Variants in SDK1 observed in about 807,000 individuals in gnomAD.
SDK1 encodes the protein sidekick cell adhesion molecule 1, also known as protein sidekick-1.
In SDK1, 157 loss-of-function variants were observed where a neutral mutation model predicts 245.5. The ratio of observed to expected loss-of-function variants is 0.64; its 90% CI spans 0.56 to 0.73. The LOEUF is 0.73. Ranked by LOEUF, SDK1 falls within the 30% of genes least tolerant of loss-of-function variation. SDK1 has a pLI of 0.00. For synonymous variants in SDK1, 1,647 were observed against 1,278.5 expected, an observed-to-expected ratio of 1.29 and a Z score of -6.15; for missense variants, 3,583 against 3,002.3, an observed-to-expected ratio of 1.19 and a Z score of -4.52.
At chr7:4,191,779 C>T (rs887474414) in intron 35 of SDK1, among the ~76,000 whole-genome samples, 3 of 152,226 alleles carry the variant, frequency 2.0e-5, no homozygotes, top group Admixed American at 6.5e-5. Flanking sequence ...GGGCTCTGCA[C>T]CATAGGAGAA....
chr7:4,261,057 A>G (rs568900811), intron 44 of SDK1, among the ~76,000 whole-genome samples: 25 of 152,256 alleles, frequency 1.6e-4, no homozygotes, highest in Non-Finnish European at 3.1e-4. Flanking sequence ...TTTCATGTAA[A>G]TATTCCAGTT....
intron 5 of SDK1, among the ~76,000 whole-genome samples, chr7:3,941,400 C>T (rs1387462739): frequency 6.6e-6 from 1 of 152,058 alleles, no homozygotes; most frequent in African/African-American, 2.4e-5. Context: ...GGATCAAGTC[C>T]ACACTCCTGA....
intron 1 of SDK1, among the ~76,000 whole-genome samples, chr7:3,391,713 T>G (rs1339800883): frequency 1.3e-5 from 2 of 149,830 alleles, no homozygotes; most frequent in Non-Finnish European, 3.0e-5. Flanking sequence ...CATGGCTCAC[T>G]GCAACCTCCG....
chr7:3,715,263 G>A (rs530021306), intron 4 of SDK1, among the ~76,000 whole-genome samples: 1 of 152,068 alleles, frequency 6.6e-6, no homozygotes, highest in African/African-American at 2.4e-5. Context: ...CAGATGAGCT[G>A]CAGACTATAT....
intron 1 of SDK1, among the ~76,000 whole-genome samples, chr7:3,472,441 C>G (rs1454593716): frequency 6.6e-6 from 1 of 151,926 alleles, no homozygotes; most frequent in Non-Finnish European, 1.5e-5. Context: ...ATTAGAGGGA[C>G]AAGGCTAACT....
intron 1 of SDK1, among the ~76,000 whole-genome samples, chr7:3,575,030 GTGCAGCCTAAAGAATGCCTCCTT>G (rs1780240121): frequency 6.6e-6 from 1 of 151,986 alleles, no homozygotes; most frequent in African/African-American, 2.4e-5. Context: ...TCCCATTCCT[GTGCAGCCTAAAGAATGCCTCCTT>G]TGCCTCTTAC....
At chr7:3,401,325 C>CTTACCTTTTA (rs1357208732) in intron 1 of SDK1, among the ~76,000 whole-genome samples, 6 of 152,120 alleles carry the variant, frequency 3.9e-5, no homozygotes, top group Non-Finnish European at 5.9e-5. Flanking sequence ...TAACTGATAA[C>CTTACCTTTTA]TTGGAAGTTT....
At position 3,463,653 on chromosome 7, in the gene SDK1, A is replaced by G. The variant is rs142141220; in HGVS notation, c.299-155427A>G. 4.6e-3 allele frequency among the ~76,000 whole-genome samples: 704 copies of G among 152,294 alleles called. 8 individuals are homozygous for G. Among genetic ancestry groups the G allele is most frequent in the African/African-American group, 0.016 (663 of 41,566 alleles). On this transcript the variant is annotated intron_variant, in intron 1 of 44. Coordinates refer to ENST00000404826, the MANE Select transcript of SDK1 (RefSeq NM_152744.4). ...TGAGTTTTCTGTGCCTATTTAAACT[A>G]CTTTATATCCCTCAGGAAAAAACGA...
At chr7:4,190,014 G>C (rs542413508) in intron 35 of SDK1, among the ~76,000 whole-genome samples, 77 of 152,242 alleles carry the variant, frequency 5.1e-4, no homozygotes, top group African/African-American at 1.8e-3. Flanking sequence ...ACAGCTTCTA[G>C]CTGTTTCAGC....
At chr7:4,145,695 G>A (rs756853238) in intron 28 of SDK1, 27 bp from the exon 29 acceptor site, 1 of 1,576,944 alleles carries the variant, frequency 6.3e-7, no homozygotes, top group Non-Finnish European at 8.6e-7. Flanking sequence ...TGGCTCAGCA[G>A]CTGTCTCCCA....
At chr7:3,898,692 A>G (rs1253389239) in intron 5 of SDK1, among the ~76,000 whole-genome samples, 1 of 152,206 alleles carries the variant, frequency 6.6e-6, no homozygotes, top group Non-Finnish European at 1.5e-5. Context: ...TTGAATTACT[A>G]ACTTATTAAT....
chr7:3,314,658 C>A (rs958996453), intron 1 of SDK1, among the ~76,000 whole-genome samples: 3 of 152,162 alleles, frequency 2.0e-5, no homozygotes, highest in Admixed American at 2.0e-4. Flanking sequence ...AGACAGAGGC[C>A]ATCTGCATCT....
chr7:3,637,266 T>G (rs1782489987), intron 2 of SDK1, among the ~76,000 whole-genome samples: 1 of 152,048 alleles, frequency 6.6e-6, no homozygotes, highest in Non-Finnish European at 1.5e-5. Context: ...CCTGCTAATT[T>G]TTGTATTTTT....
intron 5 of SDK1, among the ~76,000 whole-genome samples, chr7:3,947,660 T>C (rs1025500667): frequency 2.6e-5 from 4 of 151,466 alleles, no homozygotes; most frequent in Non-Finnish European, 5.9e-5. Context: ...CTTAAAAATA[T>C]CTGTATCTAT....
chr7:3,351,771 T>C (rs12538134), intron 1 of SDK1, among the ~76,000 whole-genome samples: 35,803 of 151,960 alleles, frequency 0.24, 4,666 homozygotes, highest in East Asian at 0.38. Flanking sequence ...ACAAGAAAAA[T>C]AGCTGAATGC....
At chr7:4,192,979 A>G (rs1428375236) in intron 35 of SDK1, among the ~76,000 whole-genome samples, 1 of 147,898 alleles carries the variant, frequency 6.8e-6, no homozygotes, top group East Asian at 1.9e-4. Context: ...CTAGAGGGAC[A>G]GAACCAATAG....
chr7:3,525,095 C>T (rs1450394323), intron 1 of SDK1, among the ~76,000 whole-genome samples: 1 of 151,920 alleles, frequency 6.6e-6, no homozygotes, highest in African/African-American at 2.4e-5. Context: ...ATAAGTAACC[C>T]AGTGATGATT....
intron 40 of SDK1, among the ~76,000 whole-genome samples, chr7:4,232,082 G>A (rs1202395324): frequency 7.4e-6 from 1 of 135,660 alleles, no homozygotes. Context: ...AGCCTCCTTA[G>A]AATTGAATTT....
chr7:3,561,251 G>C (rs1347720441), intron 1 of SDK1, among the ~76,000 whole-genome samples: 1 of 152,180 alleles, frequency 6.6e-6, no homozygotes, highest in Non-Finnish European at 1.5e-5. Context: ...AAGGGCAGGG[G>C]GTTGATCCCT....
Sources: gnomAD v4.1 joint callset for allele counts (sites outside exome capture counted in the v4.1 genomes callset) on GRCh38, gnomAD v4.1.1 for gene constraint, MANE v1.5 for transcripts, NCBI Gene and HGNC (gene_info 2026-07-23, HGNC 2026-07-21) for gene names.